Variants in SGIP1 observed in about 807,000 individuals in gnomAD.
The protein encoded by SGIP1 is SH3GL interacting endocytic adaptor 1.
A neutral mutation model predicts 107.5 loss-of-function variants in SGIP1; 38 were observed. That is an observed-to-expected ratio of 0.35 (90% CI 0.27 to 0.46). SGIP1 has a LOEUF of 0.46. Ranked by LOEUF, SGIP1 falls within the 20% of genes least tolerant of loss-of-function variation. The probability of loss-of-function intolerance (pLI) is 1.00; values close to 1 mark genes in which losing one functional copy is unlikely to be tolerated. For missense variants in SGIP1, 929 were observed against 1,019.5 expected (o/e 0.91, Z 1.21); for synonymous variants, 365 against 366.1 (o/e 1.00, Z 0.03).
intron 14 of SGIP1, 60 bp from the exon 15 acceptor site, chr1:66,681,809 C>G: frequency 2.6e-6 from 4 of 1,534,844 alleles, no homozygotes; most frequent in Non-Finnish European, 1.8e-6. Flanking sequence ...GCCTCCCTCC[C>G]TCACTCCCCA....
At chr1:66,614,609 T>G (rs1021804013) in intron 1 of SGIP1, among the ~76,000 whole-genome samples, 1 of 152,150 alleles carries the variant, frequency 6.6e-6, no homozygotes, top group African/African-American at 2.4e-5. Context: ...TTTACATACA[T>G]AATTTTTAAC....
intron 18 of SGIP1, among the ~76,000 whole-genome samples, chr1:66,714,220 A>T (rs1312153380): frequency 6.6e-6 from 1 of 152,182 alleles, no homozygotes; most frequent in Non-Finnish European, 1.5e-5. Context: ...AGATGAGGAA[A>T]CTGATTACAG....
chr1:66,570,432 T>C (rs1177545200), intron 1 of SGIP1, among the ~76,000 whole-genome samples: 1 of 151,934 alleles, frequency 6.6e-6, no homozygotes, highest in East Asian at 1.9e-4. Context: ...TAAAATACTT[T>C]ACAATGTTAA....
At chr1:66,591,714 G>T (rs952627961) in intron 1 of SGIP1, among the ~76,000 whole-genome samples, 1 of 152,166 alleles carries the variant, frequency 6.6e-6, no homozygotes, top group Non-Finnish European at 1.5e-5. Flanking sequence ...GGACCAGCGC[G>T]GGCACTGGTC....
chr1:66,558,518 C>T (rs922748326), intron 1 of SGIP1, among the ~76,000 whole-genome samples: 1 of 151,772 alleles, frequency 6.6e-6, no homozygotes, highest in African/African-American at 2.4e-5. Flanking sequence ...CTAAACAACC[C>T]TGAAAGATTA....
At chr1:66,548,642 C>T (rs368103238) in intron 1 of SGIP1, among the ~76,000 whole-genome samples, 5 of 152,108 alleles carry the variant, frequency 3.3e-5, no homozygotes, top group African/African-American at 7.2e-5. Context: ...TTTATCATTT[C>T]GTCACTGAGG....
At chr1:66,535,938 T>C (rs999380602) in intron 1 of SGIP1, among the ~76,000 whole-genome samples, 1 of 152,246 alleles carries the variant, frequency 6.6e-6, no homozygotes, top group East Asian at 1.9e-4. Context: ...ACATTCTGAT[T>C]AGATTTCAGT....
intron 3 of SGIP1, 81 bp downstream of exon 3, chr1:66,633,175 T>TC: frequency 2.1e-6 from 2 of 937,420 alleles, no homozygotes; most frequent in Non-Finnish European, 3.4e-6. Context: ...CCTTTTTTTT[T>TC]CCTGTAGGGA....
At chr1:66,733,948 G>T in intron 21 of SGIP1, 68 bp downstream of exon 21, 1 of 1,464,542 alleles carries the variant, frequency 6.8e-7, no homozygotes, top group Admixed American at 2.2e-5. Context: ...ACCTACTATT[G>T]AATAAAAGTA....
intron 18 of SGIP1, chr1:66,704,811 T>C (rs1217895779): frequency 3.9e-5 from 6 of 152,214 alleles, no homozygotes; most frequent in Admixed American, 3.9e-4. Flanking sequence ...CTCCCACTTA[T>C]AATCCTTTTT....
At chr1:66,742,796 G>T (rs905809380) in intron 24 of SGIP1, among the ~76,000 whole-genome samples, 9 of 152,108 alleles carry the variant, frequency 5.9e-5, no homozygotes, top group African/African-American at 2.2e-4. Flanking sequence ...ACATAAGTTG[G>T]ATTCTCACAT....
At chr1:66,707,860 TC>T (rs547971743) in intron 18 of SGIP1, among the ~76,000 whole-genome samples, 142 of 152,260 alleles carry the variant, frequency 9.3e-4, no homozygotes, top group African/African-American at 2.7e-3. Context: ...CCCTAATTGC[TC>T]CCCAAGTCGA....
intron 1 of SGIP1, among the ~76,000 whole-genome samples, chr1:66,576,531 T>C (rs2061088606): frequency 6.6e-6 from 1 of 152,210 alleles, no homozygotes; most frequent in Non-Finnish European, 1.5e-5. Context: ...ATAAAACCAA[T>C]GCACATGTGA....
intron 18 of SGIP1, among the ~76,000 whole-genome samples, chr1:66,700,301 G>A (rs1289074912): frequency 2.6e-5 from 4 of 151,154 alleles, no homozygotes; most frequent in Non-Finnish European, 5.9e-5. Context: ...AACCTGGGAG[G>A]TGGAGGTTGC....
chr1:66,554,517 G>A (rs1557867064), intron 1 of SGIP1, among the ~76,000 whole-genome samples: 2 of 152,052 alleles, frequency 1.3e-5, no homozygotes, highest in Non-Finnish European at 2.9e-5. Flanking sequence ...GTAACATGAT[G>A]CCATAAGTGG....
chr1:66,744,945 T>A lies in SGIP1; in HGVS notation c.*1850T>A, dbSNP rs959621044. On this transcript the variant is annotated 3_prime_UTR_variant, in exon 25 of 25. Coordinates refer to ENST00000371037, the MANE Select transcript of SGIP1 (RefSeq NM_032291.4). ...TAAATTCCATGAAACATGGAATTTATGACACCAAAATCAATGGAGAGTAAG... is the reference window on the plus strand; with the variant it reads ...TAAATTCCATGAAACATGGAATTTAAGACACCAAAATCAATGGAGAGTAAG... 1 of 152,440 alleles carries A rather than the reference T, an allele frequency of 6.6e-6. No individual in the cohort carries two copies. Among genetic ancestry groups the A allele is most frequent in the African/African-American group, 2.4e-5 (1 of 41,426 alleles). The allele number at this position is 152,440 out of a possible 1,614,324, so 9.4% of individuals were successfully genotyped here. A position where few individuals can be genotyped will look rare whatever the true frequency, so the allele number is the denominator to read the frequency against.
intron 1 of SGIP1, among the ~76,000 whole-genome samples, chr1:66,559,273 G>C (rs2058607399): frequency 6.6e-6 from 1 of 152,066 alleles, no homozygotes; most frequent in Non-Finnish European, 1.5e-5. Context: ...CATACTTTGG[G>C]TAGCAAGCTG....
At chr1:66,635,914 T>G in intron 3 of SGIP1, 30 bp from the exon 4 acceptor site, 1 of 1,610,298 alleles carries the variant, frequency 6.2e-7, no homozygotes, top group African/African-American at 1.3e-5. Flanking sequence ...TTTTAACCAC[T>G]TTTTTCTACA....
chr1:66,708,459 G>C (rs2092680549), intron 18 of SGIP1, among the ~76,000 whole-genome samples: 1 of 152,092 alleles, frequency 6.6e-6, no homozygotes, highest in African/African-American at 2.4e-5. Flanking sequence ...TAAGTTTTTA[G>C]ACTGAGGAAA....
Sources: gnomAD v4.1 joint callset for allele counts (sites outside exome capture counted in the v4.1 genomes callset) on GRCh38, gnomAD v4.1.1 for gene constraint, MANE v1.5 for transcripts, NCBI Gene and HGNC (gene_info 2026-07-23, HGNC 2026-07-21) for gene names.